GSTCD: variants seen among roughly 807,000 people sequenced by gnomAD.
The protein encoded by GSTCD is glutathione S-transferase C-terminal domain-containing protein.
In GSTCD, 44 loss-of-function variants were observed where a neutral mutation model predicts 68.3. The ratio of observed to expected loss-of-function variants is 0.64; its 90% confidence interval spans 0.51 to 0.83. The LOEUF is 0.83. Ranked by LOEUF, GSTCD falls within the 40% of genes least tolerant of loss-of-function variation. The probability of loss-of-function intolerance (pLI) is 0.00; values close to 1 mark genes in which losing one functional copy is unlikely to be tolerated. For missense variants in GSTCD, 739 were observed against 735.9 expected (o/e 1.00, Z -0.05); for synonymous variants, 273 against 255.2 (o/e 1.07, Z -0.67).
chr4:105,738,916 C>T (rs1733544867), intron 5 of GSTCD, among the ~76,000 whole-genome samples: 1 of 152,164 alleles, frequency 6.6e-6, no homozygotes, highest in South Asian at 2.1e-4. Context: ...TGTCTTGTTC[C>T]AATTCTTAGA....
intron 5 of GSTCD, among the ~76,000 whole-genome samples, chr4:105,741,528 G>A (rs1733629754): frequency 6.6e-6 from 1 of 152,212 alleles, no homozygotes; most frequent in African/African-American, 2.4e-5. Context: ...ATCAAGAAAT[G>A]AAAACAGAGT....
chr4:105,742,402 C>T (rs549861046), intron 5 of GSTCD, among the ~76,000 whole-genome samples: 21 of 152,284 alleles, frequency 1.4e-4, no homozygotes, highest in African/African-American at 4.3e-4. Flanking sequence ...TCAATTCAAA[C>T]GCTGCTTCCT....
intron 5 of GSTCD, among the ~76,000 whole-genome samples, chr4:105,745,696 T>G (rs577334795): frequency 6.6e-6 from 1 of 152,306 alleles, no homozygotes; most frequent in Admixed American, 6.5e-5. Flanking sequence ...CTCTCTGTTC[T>G]CCAGTAGTTC....
chr4:105,796,914 G>A (rs541901567), intron 5 of GSTCD, among the ~76,000 whole-genome samples: 2 of 152,186 alleles, frequency 1.3e-5, no homozygotes, highest in Admixed American at 6.5e-5. Context: ...ATAGAGGATC[G>A]GCTTCCAAGA....
At chr4:105,829,849 CAAGA>C (rs1723823826) in intron 8 of GSTCD, among the ~76,000 whole-genome samples, 1 of 151,088 alleles carries the variant, frequency 6.6e-6, no homozygotes, top group South Asian at 2.1e-4. Flanking sequence ...GATCAGAGAA[CAAGA>C]AAGGACGTCT....
At chr4:105,716,716 A>T (rs544418515) in intron 1 of GSTCD, among the ~76,000 whole-genome samples, 2 of 152,338 alleles carry the variant, frequency 1.3e-5, no homozygotes, top group South Asian at 2.1e-4. Flanking sequence ...ACTGTCTTTC[A>T]TGAAACTGGT....
intron 5 of GSTCD, among the ~76,000 whole-genome samples, chr4:105,779,686 A>C (rs1463995534): frequency 1.3e-5 from 2 of 152,198 alleles, no homozygotes; most frequent in African/African-American, 4.8e-5. Context: ...TTGATATGAA[A>C]TAGAGCATTG....
intron 5 of GSTCD, among the ~76,000 whole-genome samples, chr4:105,741,786 A>G (rs1733639025): frequency 6.6e-6 from 1 of 152,194 alleles, no homozygotes; most frequent in Non-Finnish European, 1.5e-5. Flanking sequence ...CAAAGAAGCA[A>G]CTCTAACAGC....
intron 10 of GSTCD, 52 bp downstream of exon 10, chr4:105,837,941 A>C: frequency 1.4e-6 from 1 of 717,294 alleles, no homozygotes; most frequent in Non-Finnish European, 2.2e-6. Context: ...TATCCTTTAT[A>C]TTTTTCCCTC....
intron 5 of GSTCD, among the ~76,000 whole-genome samples, chr4:105,733,268 G>C (rs1480942419): frequency 2.6e-5 from 4 of 152,152 alleles, no homozygotes; most frequent in African/African-American, 9.7e-5. Context: ...TCGTTGATCT[G>C]TCTAATGTTG....
At chr4:105,739,152 T>C (rs187832063) in intron 5 of GSTCD, among the ~76,000 whole-genome samples, 128 of 152,356 alleles carry the variant, frequency 8.4e-4, no homozygotes, top group Admixed American at 1.4e-3. Context: ...GATTTGCATA[T>C]GTTGAATTAT....
At chr4:105,779,745 T>C (rs568096257) in intron 5 of GSTCD, among the ~76,000 whole-genome samples, 1 of 152,326 alleles carries the variant, frequency 6.6e-6, no homozygotes, top group East Asian at 1.9e-4. Flanking sequence ...AACTAAGTAA[T>C]TGGTTTGACA....
chr4:105,787,539 T>C (rs1735509635), intron 5 of GSTCD, among the ~76,000 whole-genome samples: 1 of 152,066 alleles, frequency 6.6e-6, no homozygotes, highest in Non-Finnish European at 1.5e-5. Context: ...TTTTGAGTAA[T>C]GCTGCTTAGG....
At chr4:105,718,912 A>C (rs1732768078) in intron 2 of GSTCD, 148 bp from the exon 3 acceptor site, 1 of 629,796 alleles carries the variant, frequency 1.6e-6, no homozygotes, top group East Asian at 2.7e-5. Context: ...CTTCTGAAGC[A>C]CTGTGATGTG....
chr4:105,805,768 TTA>T (rs1722463166), intron 5 of GSTCD, among the ~76,000 whole-genome samples: 1 of 152,104 alleles, frequency 6.6e-6, no homozygotes, highest in Non-Finnish European at 1.5e-5. Flanking sequence ...GCTCCCCTTG[TTA>T]TATGAGAATT....
intron 5 of GSTCD, among the ~76,000 whole-genome samples, chr4:105,741,241 G>C (rs753076188): frequency 1.3e-5 from 2 of 152,066 alleles, no homozygotes; most frequent in Non-Finnish European, 2.9e-5. Flanking sequence ...CAGTATGGAA[G>C]AAGATCATGT....
rs919539853 is a variant in GSTCD at position 105,846,665 on chromosome 4, A to C, written c.*1088A>C. ...GAAGAAAAAGATTAAAGAATTAGTT[A>C]AGCTTTTTTTTTTTTTTTTTTTTGA... On this transcript the variant is annotated 3_prime_UTR_variant, in exon 12 of 12. Transcript: ENST00000515279. 1 of 150,622 alleles carries C rather than the reference A, an allele frequency of 6.6e-6. No individual in the cohort carries two copies. Among genetic ancestry groups the C allele is most frequent in the South Asian group, 2.1e-4 (1 of 4,812 alleles). 9.3% of individuals were successfully genotyped at this position (150,622 alleles called of 1,614,324 possible).
chr4:105,841,797 G>A (rs908828835), intron 10 of GSTCD, among the ~76,000 whole-genome samples: 1 of 152,162 alleles, frequency 6.6e-6, no homozygotes, highest in African/African-American at 2.4e-5. Context: ...GTTGCAGTGA[G>A]CCAAGATTGC....
chr4:105,814,279 C>T (rs1215325167), intron 5 of GSTCD, among the ~76,000 whole-genome samples: 1 of 152,180 alleles, frequency 6.6e-6, no homozygotes, highest in Non-Finnish European at 1.5e-5. Flanking sequence ...CCCTTTGTAT[C>T]TTTCCCTTTT....
Sources: gnomAD v4.1 joint callset for allele counts (sites outside exome capture counted in the v4.1 genomes callset) on GRCh38, gnomAD v4.1.1 for gene constraint, MANE v1.5 for transcripts, NCBI Gene and HGNC (gene_info 2026-07-23, HGNC 2026-07-21) for gene names.